The following HDAC9 variants were observed in gnomAD, a reference collection of about 807,000 sequenced individuals.
The protein encoded by HDAC9 is histone deacetylase 9, also known as MEF-2 interacting transcription repressor (MITR) protein.
HDAC9 carries 41 observed loss-of-function variants against 139.4 expected under a neutral mutation model. The observed-to-expected ratio is 0.29, with a 90% CI of 0.23 to 0.38. The LOEUF (loss-of-function observed/expected upper bound fraction) is 0.38, where lower values mean the gene tolerates loss of function less well. Among genes scored for constraint, HDAC9 ranks in the 10% least tolerant of loss-of-function variants. The pLI is 1.00. For missense variants in HDAC9, 1,147 were observed against 1,297.0 expected (o/e 0.88, Z 1.78); for synonymous variants, 517 against 476.2 (o/e 1.09, Z -1.12).
intron 1 of HDAC9, among the ~76,000 whole-genome samples, chr7:18,342,743 A>G (rs1384046209): frequency 6.6e-6 from 1 of 151,798 alleles, no homozygotes; most frequent in Non-Finnish European, 1.5e-5. Context: ...TTTTATCACT[A>G]TTTTATATTA....
At chr7:18,361,476 A>C (rs1012894246) in intron 1 of HDAC9, among the ~76,000 whole-genome samples, 1 of 152,126 alleles carries the variant, frequency 6.6e-6, no homozygotes, top group African/African-American at 2.4e-5. Flanking sequence ...ACTGCACCTC[A>C]AGAAGACCTG....
intron 23 of HDAC9, among the ~76,000 whole-genome samples, chr7:18,945,907 C>T (rs758625744): frequency 4.0e-5 from 6 of 151,326 alleles, no homozygotes; most frequent in East Asian, 3.9e-4. Flanking sequence ...CGTGGTGGTG[C>T]GCACCTGTAT....
At chr7:18,508,922 A>C (rs915172437) in intron 2 of HDAC9, among the ~76,000 whole-genome samples, 8 of 152,224 alleles carry the variant, frequency 5.3e-5, no homozygotes, top group Non-Finnish European at 1.0e-4. Context: ...ATAACTTCCC[A>C]AGAAAATATT....
At chr7:18,671,453 T>C (rs566831023) in intron 12 of HDAC9, among the ~76,000 whole-genome samples, 8 of 152,124 alleles carry the variant, frequency 5.3e-5, no homozygotes, top group African/African-American at 1.4e-4. Context: ...TCCTGAAATC[T>C]GGCCTGATTT....
intron 1 of HDAC9, among the ~76,000 whole-genome samples, chr7:18,144,918 T>G (rs1159394827): frequency 6.6e-6 from 1 of 152,234 alleles, no homozygotes; most frequent in African/African-American, 2.4e-5. Context: ...CTTGTGATAC[T>G]GTATGTTTAT....
At chr7:18,415,829 C>T (rs1788999861) in intron 1 of HDAC9, among the ~76,000 whole-genome samples, 1 of 152,108 alleles carries the variant, frequency 6.6e-6, no homozygotes, top group African/African-American at 2.4e-5. Context: ...TATGGGATTA[C>T]TATTGTTATA....
intron 5 of HDAC9, among the ~76,000 whole-genome samples, chr7:18,592,762 A>G (rs1453853975): frequency 6.6e-6 from 1 of 152,158 alleles, no homozygotes; most frequent in East Asian, 1.9e-4. Flanking sequence ...ATGAAAAACA[A>G]ATCTCTGAAA....
intron 2 of HDAC9, among the ~76,000 whole-genome samples, chr7:18,184,581 C>T (rs1789757987): frequency 6.6e-6 from 1 of 151,986 alleles, no homozygotes; most frequent in Non-Finnish European, 1.5e-5. Flanking sequence ...GAGGAATTTC[C>T]ACGTGTGGCA....
intron 4 of HDAC9, 64 bp downstream of exon 4, chr7:18,590,550 A>G (rs906257711): frequency 1.3e-6 from 2 of 1,483,042 alleles, no homozygotes; most frequent in South Asian, 2.6e-5. Flanking sequence ...ATTATTCAGA[A>G]CAAAGCCTGA....
chr7:18,874,404 G>A, intron 21 of HDAC9, 74 bp from the exon 22 acceptor site: 1 of 799,694 alleles, frequency 1.3e-6, no homozygotes, highest in Non-Finnish European at 2.1e-6. Flanking sequence ...TGTTGTGCCA[G>A]GTCGTTTTCA....
At chr7:18,738,206 A>T (rs1162292862) in intron 13 of HDAC9, among the ~76,000 whole-genome samples, 1 of 152,002 alleles carries the variant, frequency 6.6e-6, no homozygotes, top group Non-Finnish European at 1.5e-5. Context: ...ATCTTGACTC[A>T]TTGTCCAATT....
chr7:18,180,247 AC>A (rs1789297898), intron 2 of HDAC9, among the ~76,000 whole-genome samples: 2 of 150,048 alleles, frequency 1.3e-5, no homozygotes, highest in Non-Finnish European at 3.0e-5. Flanking sequence ...ACACACACAC[AC>A]ACACACACAC....
chr7:18,852,424 A>G (rs961768937), intron 21 of HDAC9, among the ~76,000 whole-genome samples: 1 of 152,170 alleles, frequency 6.6e-6, no homozygotes, highest in East Asian at 1.9e-4. Context: ...TATCATTCCT[A>G]TTCTGAGGCC....
chr7:18,275,838 C>G (rs1457219363), intron 2 of HDAC9, among the ~76,000 whole-genome samples: 1 of 152,178 alleles, frequency 6.6e-6, no homozygotes, highest in Non-Finnish European at 1.5e-5. Flanking sequence ...TATAGCACTT[C>G]CTATTTTCTA....
At chr7:18,174,396 T>C (rs1788711280) in intron 2 of HDAC9, among the ~76,000 whole-genome samples, 1 of 152,226 alleles carries the variant, frequency 6.6e-6, no homozygotes, top group Non-Finnish European at 1.5e-5. Flanking sequence ...GGTTCGAACA[T>C]CCTCCTTTAG....
intron 15 of HDAC9, among the ~76,000 whole-genome samples, chr7:18,763,727 G>A (rs756260760): frequency 6.6e-6 from 1 of 152,048 alleles, no homozygotes; most frequent in South Asian, 2.1e-4. Context: ...ATGATTTTAT[G>A]AGGTCATAAT....
intron 1 of HDAC9, among the ~76,000 whole-genome samples, chr7:18,335,161 A>G (rs1781493921): frequency 6.6e-6 from 1 of 151,458 alleles, no homozygotes; most frequent in Admixed American, 6.6e-5. Context: ...CCTGCCCACC[A>G]TCTTTCAGAA....
intron 2 of HDAC9, among the ~76,000 whole-genome samples, chr7:18,236,455 T>G (rs553087082): frequency 6.6e-6 from 1 of 152,298 alleles, no homozygotes; most frequent in South Asian, 2.1e-4. Flanking sequence ...AGTCACTAAT[T>G]AGATTGCATT....
At chr7:18,672,146 G>A (rs1027601932) in intron 12 of HDAC9, among the ~76,000 whole-genome samples, 1 of 151,942 alleles carries the variant, frequency 6.6e-6, no homozygotes, top group Admixed American at 6.6e-5. Context: ...TTTCCATGTA[G>A]CTGAACTATT....
Sources: gnomAD v4.1 joint callset for allele counts (sites outside exome capture counted in the v4.1 genomes callset) on GRCh38, gnomAD v4.1.1 for gene constraint, MANE v1.5 for transcripts, NCBI Gene and HGNC (gene_info 2026-07-23, HGNC 2026-07-21) for gene names.